The following UVSSA variants were observed in gnomAD, a reference collection of about 807,000 sequenced individuals.
The protein encoded by UVSSA is UV stimulated scaffold protein A.
UVSSA carries 72 observed loss-of-function variants against 73.9 expected under a neutral mutation model. The ratio of observed to expected loss-of-function variants is 0.97; its 90% CI spans 0.81 to 1.19. The LOEUF (loss-of-function observed/expected upper bound fraction) is 1.19, where lower values mean the gene tolerates loss of function less well. Ranked by LOEUF, UVSSA falls within the 50% of genes most tolerant of loss-of-function variation. The pLI, the probability that UVSSA is intolerant of heterozygous loss-of-function variation, is 0.00. For missense variants in UVSSA, 1,150 were observed against 965.0 expected (o/e 1.19, Z -2.54); for synonymous variants, 454 against 391.3 (o/e 1.16, Z -1.89).
chr4:1,394,956 TCA>T lies in UVSSA; in HGVS notation c.*8999_*9000del, dbSNP rs555522174. The T allele has an allele frequency of 2.5e-5, 39 of 1,546,226 alleles. 5 individuals carry two copies. Among genetic ancestry groups the T allele is most frequent in the Admixed American group, 7.4e-5 (4 of 53,986 alleles). On this transcript the variant is annotated 3_prime_UTR_variant, in exon 14 of 14. Coordinates refer to the UVSSA transcript ENST00000511216. Reference sequence around the variant, plus strand: ...GTGCCCATGCGGAGTGCCCGCCTGCTCACACGTGCCCATGCGGAGTGCCCGCC... The same window carrying T: ...GTGCCCATGCGGAGTGCCCGCCTGCTCACGTGCCCATGCGGAGTGCCCGCC...
chr4:1,380,584 G>A (rs1471524463), intron 11 of UVSSA: 10 of 1,395,402 alleles, frequency 7.2e-6, no homozygotes, highest in African/African-American at 1.4e-5. Context: ...TCCCAGCCGG[G>A]CAGCTGGGCA....
downstream of UVSSA, chr4:1,391,681 T>C (rs1214020525): frequency 2.6e-5 from 2 of 76,542 alleles, no homozygotes; most frequent in African/African-American, 6.7e-5. Flanking sequence ...GAATCTAAAG[T>C]GTGTTTCTTG....
At position 1,386,135 on chromosome 4, in the gene UVSSA, T is replaced by C; in HGVS notation, c.*174T>C. On this transcript the variant is annotated 3_prime_UTR_variant, in exon 14 of 14. Transcript: ENST00000389851. ...GTACGGCCGCTCTGCTGCTACAGGG[T>C]TCGGCATCGTCTGGTGATGGGTCTG... is the stretch of plus-strand genomic sequence containing the variant. 2.8e-6 allele frequency: 2 copies of C among 704,160 alleles called. No homozygotes were observed. Among genetic ancestry groups the C allele is most frequent in the South Asian group, 3.5e-5 (2 of 56,644 alleles). The allele number at this position is 704,160 out of a possible 1,614,324, so 43.6% of individuals were successfully genotyped here.
At chr4:1,373,757 A>G (rs1343135269) in intron 8 of UVSSA, among the ~76,000 whole-genome samples, 1 of 151,634 alleles carries the variant, frequency 6.6e-6, no homozygotes, top group Admixed American at 6.6e-5. Context: ...CGTCCCCCAC[A>G]CCCCTCAGAG....
intron 10 of UVSSA, among the ~76,000 whole-genome samples, chr4:1,379,356 G>T (rs904551641): frequency 6.6e-6 from 1 of 152,230 alleles, no homozygotes; most frequent in Admixed American, 6.5e-5. Context: ...GTGGGCAGGG[G>T]GTGGAGTCCT....
chr4:1,373,350 G>T (rs6856527), intron 8 of UVSSA, among the ~76,000 whole-genome samples: 27 of 152,274 alleles, frequency 1.8e-4, no homozygotes, highest in Admixed American at 1.7e-3. Flanking sequence ...GCTGGGAGGC[G>T]AGGCCGTCCC....
chr4:1,352,137 A>T (rs1172171305), intron 4 of UVSSA, among the ~76,000 whole-genome samples: 1 of 152,240 alleles, frequency 6.6e-6, no homozygotes, highest in Non-Finnish European at 1.5e-5. Context: ...AGCCTGGCTG[A>T]AGGCCCTGCC....
chr4:1,353,942 C>T (rs967111365), intron 5 of UVSSA, among the ~76,000 whole-genome samples: 3 of 152,218 alleles, frequency 2.0e-5, no homozygotes, highest in Non-Finnish European at 2.9e-5. Flanking sequence ...ACATAGCCGC[C>T]CCCGCCCCCC....
chr4:1,368,648 T>C (rs546114847), intron 8 of UVSSA, among the ~76,000 whole-genome samples: 23 of 152,314 alleles, frequency 1.5e-4, no homozygotes, highest in African/African-American at 5.1e-4. Flanking sequence ...CTGCTGCAGG[T>C]ACACCGAGCC....
upstream of UVSSA, among the ~76,000 whole-genome samples, chr4:1,344,480 G>C (rs1713540454): frequency 6.6e-6 from 1 of 151,734 alleles, no homozygotes; most frequent in Admixed American, 6.6e-5. Flanking sequence ...GAACCTGGGA[G>C]GCAGAGGTTG....
Position 1,355,619 on chromosome 4 carries a change from C to G in UVSSA, c.1176+374C>G, listed in dbSNP as rs892244610. On this transcript the variant is annotated intron_variant, in intron 7 of 13. Transcript: ENST00000389851. ...GCACTGTATCCACCAGAGGAGAGAC[C>G]CTCGGCAAACCCTCAGACGGCCAGG... 7.9e-5 allele frequency among the ~76,000 whole-genome samples: 12 copies of G among 152,322 alleles called. 2 individuals are homozygous for G. Among genetic ancestry groups the G allele is most frequent in the East Asian group, 3.9e-4 (2 of 5,186 alleles).
At chr4:1,346,760 G>T (rs1713743832), upstream of UVSSA, among the ~76,000 whole-genome samples, 1 of 152,068 alleles carries the variant, frequency 6.6e-6, no homozygotes, top group African/African-American at 2.4e-5. Flanking sequence ...GGGCGGGCGT[G>T]GCGTTGAGGC....
chr4:1,354,407 T>G, intron 5 of UVSSA: 2 of 345,906 alleles, frequency 5.8e-6, no homozygotes, highest in South Asian at 2.8e-5. Flanking sequence ...AGGGGAAGGT[T>G]CTGTGCCCGG....
upstream of UVSSA, among the ~76,000 whole-genome samples, chr4:1,343,824 T>A (rs902100715): frequency 6.6e-6 from 1 of 152,194 alleles, no homozygotes; most frequent in African/African-American, 2.4e-5. Flanking sequence ...TTCATTCCTT[T>A]TATAAAGTTT....
In UVSSA at chr4:1,394,716, C is replaced by T. The variant is rs115485610; in HGVS notation, c.*8755C>T. The T allele has an allele frequency of 1.5e-3, 2,166 of 1,400,950 alleles. 28 individuals are homozygous for T. In the African/African-American group the frequency reaches 0.033, roughly 21 times the overall value. The allele number at this position is 1,400,950 out of a possible 1,614,324, so 86.8% of individuals were successfully genotyped here. On this transcript the variant is annotated 3_prime_UTR_variant, in exon 14 of 14. Transcript: ENST00000511216. ...TGTGGAGTGCCCGCCTGCTCACACA[C>T]GTGTCCATGTGGAGTGCCCACCTGC...
chr4:1,365,437 G>T (rs144330813), intron 7 of UVSSA, among the ~76,000 whole-genome samples: 1 of 152,216 alleles, frequency 6.6e-6, no homozygotes, highest in Non-Finnish European at 1.5e-5. Flanking sequence ...TAAGTCGGGC[G>T]CAGGAAGGGG....
intron 12 of UVSSA, among the ~76,000 whole-genome samples, chr4:1,381,468 G>A (rs1719494879): frequency 6.6e-6 from 1 of 152,184 alleles, no homozygotes; most frequent in Non-Finnish European, 1.5e-5. Flanking sequence ...GCAGGAGTGC[G>A]GGTGCCCAGA....
exon 14 of UVSSA, chr4:1,394,705 C>G (rs1405463070): frequency 6.2e-7 from 1 of 1,603,072 alleles, no homozygotes; most frequent in African/African-American, 1.4e-5. Context: ...GAGTGCCCGC[C>G]TGCTCACACA....
At chr4:1,357,685 C>T (rs1715985770) in intron 7 of UVSSA, among the ~76,000 whole-genome samples, 1 of 149,648 alleles carries the variant, frequency 6.7e-6, no homozygotes, top group East Asian at 2.0e-4. Flanking sequence ...GCCAGGGACC[C>T]TGCGTGCTCT....
Sources: allele counts gnomAD v4.1 joint callset (sites outside exome capture counted in the v4.1 genomes callset), GRCh38; gene constraint gnomAD v4.1.1; transcripts MANE v1.5; gene names NCBI Gene and HGNC (gene_info 2026-07-23, HGNC 2026-07-21).